IGF1R: variants seen among roughly 807,000 people sequenced by gnomAD.
IGF1R encodes the protein insulin-like growth factor 1 receptor.
In IGF1R, 44 loss-of-function variants were observed where a neutral mutation model predicts 144.6. The ratio of observed to expected loss-of-function variants is 0.30; its 90% CI spans 0.24 to 0.39. The LOEUF is 0.39. Ranked by LOEUF, IGF1R falls within the 10% of genes least tolerant of loss-of-function variation. The pLI is 1.00. For missense variants in IGF1R, 1,355 were observed against 1,833.7 expected, an observed-to-expected ratio of 0.74 and a Z score of 4.77; for synonymous variants, 795 against 722.8, an observed-to-expected ratio of 1.10 and a Z score of -1.60.
intron 2 of IGF1R, among the ~76,000 whole-genome samples, chr15:98,716,810 C>A (rs1396159713): frequency 2.0e-5 from 3 of 151,938 alleles, no homozygotes; most frequent in African/African-American, 7.3e-5. Context: ...AGGTGACCAT[C>A]CAGGTTAGAT....
intron 2 of IGF1R, among the ~76,000 whole-genome samples, chr15:98,813,231 A>G (rs1175868781): frequency 6.6e-6 from 1 of 152,176 alleles, no homozygotes; most frequent in Non-Finnish European, 1.5e-5. Context: ...GAATGAGTAC[A>G]ATGCTCATAT....
chr15:98,669,575 A>G (rs1596162359), intron 1 of IGF1R, among the ~76,000 whole-genome samples: 2 of 152,284 alleles, frequency 1.3e-5, no homozygotes, highest in South Asian at 4.1e-4. Flanking sequence ...ACAGGGCATG[A>G]CAGGGCGGGT....
At chr15:98,689,399 T>C (rs7181339) in intron 1 of IGF1R, among the ~76,000 whole-genome samples, 139,124 of 151,868 alleles carry the variant, frequency 0.92, 63,976 homozygotes, top group Middle Eastern at 0.97. Context: ...CCACCACACT[T>C]GGCTAATTTT....
chr15:98,899,757 C>G, intron 5 of IGF1R, 136 bp downstream of exon 5: 2 of 849,574 alleles, frequency 2.4e-6, no homozygotes, highest in Non-Finnish European at 1.9e-6. Flanking sequence ...ATTGCCTGTG[C>G]TGCTCGAGTA....
chr15:98,898,472 C>T (rs1339750533), intron 4 of IGF1R, among the ~76,000 whole-genome samples: 1 of 152,162 alleles, frequency 6.6e-6, no homozygotes, highest in Non-Finnish European at 1.5e-5. Flanking sequence ...GCTTCCTGCC[C>T]CACGTTTAAA....
intron 2 of IGF1R, among the ~76,000 whole-genome samples, chr15:98,878,663 CAAAAAAAAAAAAAA>C (rs138285597): frequency 0.025 from 1,472 of 57,962 alleles, 21 homozygotes; most frequent in Middle Eastern, 0.045. Context: ...GTGAAAGACT[CAAAAAAAAAAAAAA>C]AAAAAAAAAA....
At chr15:98,822,014 C>G (rs1294812174) in intron 2 of IGF1R, among the ~76,000 whole-genome samples, 2 of 152,186 alleles carry the variant, frequency 1.3e-5, no homozygotes, top group Non-Finnish European at 2.9e-5. Context: ...TCAATATGAG[C>G]TACTCTGTAA....
intron 2 of IGF1R, among the ~76,000 whole-genome samples, chr15:98,775,097 T>G (rs1479480253): frequency 6.6e-6 from 1 of 152,110 alleles, no homozygotes; most frequent in Non-Finnish European, 1.5e-5. Flanking sequence ...GAAAATAGGT[T>G]ATAATACCTG....
At chr15:98,853,785 C>T (rs1276569029) in intron 2 of IGF1R, among the ~76,000 whole-genome samples, 1 of 152,166 alleles carries the variant, frequency 6.6e-6, no homozygotes, top group African/African-American at 2.4e-5. Flanking sequence ...TGAACTTTTT[C>T]AGTGATGGGG....
At chr15:98,916,330 T>C (rs2015248098) in intron 9 of IGF1R, among the ~76,000 whole-genome samples, 199 bp downstream of exon 9, 1 of 148,962 alleles carries the variant, frequency 6.7e-6, no homozygotes, top group African/African-American at 2.5e-5. Context: ...GGCACGATCA[T>C]GGCTCACTGC....
intron 1 of IGF1R, among the ~76,000 whole-genome samples, chr15:98,684,412 G>C (rs990920363): frequency 6.6e-6 from 1 of 151,392 alleles, no homozygotes; most frequent in Admixed American, 6.6e-5. Context: ...GGGGGAGGTG[G>C]GGGGTGTGGG....
At chr15:98,747,993 GAAGAGATAAATGAAGATA>G (rs529203403) in intron 2 of IGF1R, among the ~76,000 whole-genome samples, 1 of 152,244 alleles carries the variant, frequency 6.6e-6, no homozygotes, top group Non-Finnish European at 1.5e-5. Context: ...AATATATTTG[GAAGAGATAAATGAAGATA>G]AAGAGATAAA....
At chr15:98,667,993 T>C (rs1305729497) in intron 1 of IGF1R, among the ~76,000 whole-genome samples, 1 of 152,130 alleles carries the variant, frequency 6.6e-6, no homozygotes, top group South Asian at 2.1e-4. Context: ...CAGGTTACTA[T>C]AGACTGAGGG....
At chr15:98,663,700 G>A (rs1199174838) in intron 1 of IGF1R, among the ~76,000 whole-genome samples, 1 of 152,210 alleles carries the variant, frequency 6.6e-6, no homozygotes, top group African/African-American at 2.4e-5. Flanking sequence ...GCCCGAGGCT[G>A]GTTCTGGGCT....
At chr15:98,828,170 G>A (rs1212962079) in intron 2 of IGF1R, among the ~76,000 whole-genome samples, 1 of 152,170 alleles carries the variant, frequency 6.6e-6, no homozygotes, top group Non-Finnish European at 1.5e-5. Flanking sequence ...AGTTTGCTTA[G>A]GAAGAAAACA....
chr15:98,847,337 G>T (rs1298423952), intron 2 of IGF1R, among the ~76,000 whole-genome samples: 21 of 152,134 alleles, frequency 1.4e-4, no homozygotes, highest in Non-Finnish European at 2.9e-5. Context: ...CTCCGTAGAT[G>T]CCGTGTCAGT....
chr15:98,661,499 C>G (rs972355976), intron 1 of IGF1R, among the ~76,000 whole-genome samples: 1 of 152,216 alleles, frequency 6.6e-6, no homozygotes, highest in African/African-American at 2.4e-5. Flanking sequence ...TGTTAATATT[C>G]AAGAGTAGCT....
At chr15:98,840,668 T>C (rs997946437) in intron 2 of IGF1R, among the ~76,000 whole-genome samples, 3 of 142,590 alleles carry the variant, frequency 2.1e-5, no homozygotes, top group Non-Finnish European at 4.5e-5. Flanking sequence ...GGTTTTTGTT[T>C]TTTGTTTTGT....
At chr15:98,857,095 G>A (rs1284520967) in intron 2 of IGF1R, among the ~76,000 whole-genome samples, 13 of 152,074 alleles carry the variant, frequency 8.5e-5, no homozygotes, top group Admixed American at 8.5e-4. Context: ...ATGTATACTG[G>A]GTTTGTGCCT....
Sources: gnomAD v4.1 joint callset for allele counts (sites outside exome capture counted in the v4.1 genomes callset) on GRCh38, gnomAD v4.1.1 for gene constraint, MANE v1.5 for transcripts, NCBI Gene and HGNC (gene_info 2026-07-23, HGNC 2026-07-21) for gene names.